Variants in LRMDA observed in about 807,000 individuals in gnomAD.
The protein encoded by LRMDA is leucine-rich melanocyte differentiation-associated protein.
In LRMDA, 18 loss-of-function variants were observed where a neutral mutation model predicts 29.8. That is an observed-to-expected ratio of 0.60 (90% CI 0.42 to 0.90). The LOEUF is 0.90. Ranked by LOEUF, LRMDA falls within the 40% of genes least tolerant of loss-of-function variation. LRMDA has a pLI of 0.00. For synonymous variants in LRMDA, 125 were observed against 109.4 expected (o/e 1.14, Z -0.89); for missense variants, 273 against 273.9 (o/e 1.00, Z 0.02).
At chr10:76,060,729 C>T (rs558858840) in intron 5 of LRMDA, among the ~76,000 whole-genome samples, 20 of 152,188 alleles carry the variant, frequency 1.3e-4, no homozygotes, top group African/African-American at 4.3e-4. Context: ...AATCGAAATC[C>T]TTCCTTGCTT....
intron 2 of LRMDA, among the ~76,000 whole-genome samples, chr10:75,957,965 T>A (rs1846693441): frequency 2.0e-5 from 3 of 152,048 alleles, no homozygotes; most frequent in African/African-American, 7.2e-5. Context: ...TCCATTAGAG[T>A]AAAGAACCCG....
chr10:76,262,343 G>C (rs1839954603), intron 5 of LRMDA, among the ~76,000 whole-genome samples: 1 of 152,148 alleles, frequency 6.6e-6, no homozygotes, highest in Admixed American at 6.5e-5. Context: ...CATACTCCCA[G>C]CCTGCTCCAC....
At chr10:76,028,951 G>T (rs934565886) in intron 2 of LRMDA, among the ~76,000 whole-genome samples, 1 of 151,862 alleles carries the variant, frequency 6.6e-6, no homozygotes, top group Non-Finnish European at 1.5e-5. Context: ...CGAGTAGCTG[G>T]GACTACAGGC....
intron 2 of LRMDA, among the ~76,000 whole-genome samples, chr10:75,679,123 A>G (rs554376311): frequency 1.3e-5 from 2 of 152,188 alleles, no homozygotes; most frequent in African/African-American, 2.4e-5. Context: ...AGAAAGCACC[A>G]TTTGAAACCT....
At chr10:76,200,800 G>A (rs927279024) in intron 5 of LRMDA, among the ~76,000 whole-genome samples, 1 of 147,568 alleles carries the variant, frequency 6.8e-6, no homozygotes, top group African/African-American at 2.5e-5. Flanking sequence ...TCACTGCAGC[G>A]CCTGCCTCCC....
chr10:75,698,218 G>A (rs946285197), intron 2 of LRMDA, among the ~76,000 whole-genome samples: 1 of 152,122 alleles, frequency 6.6e-6, no homozygotes, highest in African/African-American at 2.4e-5. Flanking sequence ...GAGTAGTGCA[G>A]TGTGATCTAG....
At position 75,477,751 on chromosome 10, in the gene LRMDA, G is replaced by A. The variant is rs1940634796; in HGVS notation, c.131+39257G>A. Among the ~76,000 whole-genome samples the A allele has an allele frequency of 2.0e-5, 3 of 152,176 alleles. No individual in the cohort carries two copies. The South Asian group carries it at 6.2e-4, about 32-fold the overall frequency. ...GTTCCCACCACAAGCAGTCCCCTTG[G>A]GCTAAGCATCACTCAGGGTATACCA... is the stretch of plus-strand genomic sequence containing the variant. On this transcript the variant is annotated intron_variant, in intron 2 of 6. Transcript: ENST00000611255.
At chr10:75,765,335 T>C (rs1161679575) in intron 2 of LRMDA, among the ~76,000 whole-genome samples, 1 of 152,038 alleles carries the variant, frequency 6.6e-6, no homozygotes, top group Admixed American at 6.6e-5. Context: ...AGGACACTAG[T>C]TATTGAGAGT....
intron 2 of LRMDA, among the ~76,000 whole-genome samples, chr10:75,567,515 T>C (rs919264263): frequency 2.6e-5 from 4 of 152,238 alleles, no homozygotes; most frequent in African/African-American, 9.6e-5. Context: ...TGTTGGTTTT[T>C]TGACTTAACA....
chr10:75,920,379 T>A (rs144205619), intron 2 of LRMDA, among the ~76,000 whole-genome samples: 1 of 152,292 alleles, frequency 6.6e-6, no homozygotes, highest in Non-Finnish European at 1.5e-5. Flanking sequence ...GATCATGACT[T>A]AGAAATGATT....
intron 2 of LRMDA, among the ~76,000 whole-genome samples, chr10:75,674,345 T>A (rs1841935729): frequency 6.6e-6 from 1 of 152,152 alleles, no homozygotes; most frequent in African/African-American, 2.4e-5. Flanking sequence ...GCAGTTGTTA[T>A]TTATATATAT....
At chr10:76,003,919 G>A (rs1847603779) in intron 2 of LRMDA, among the ~76,000 whole-genome samples, 1 of 152,166 alleles carries the variant, frequency 6.6e-6, no homozygotes, top group Non-Finnish European at 1.5e-5. Flanking sequence ...TGGAGATTGG[G>A]ACCTGGGTAT....
rs76829322 is a variant in LRMDA, at chr10:75,600,261, C to G, written c.131+161767C>G. Among the ~76,000 whole-genome samples, 1,183 of 152,270 alleles carry G rather than the reference C, an allele frequency of 7.8e-3. 16 individuals carry two copies. The highest frequency in any genetic ancestry group is 0.028 in the African/African-American group (1,146 of 41,538). On this transcript the variant is annotated intron_variant, in intron 2 of 6. Coordinates refer to ENST00000611255, the MANE Select transcript of LRMDA (RefSeq NM_001305581.2). The stretch of plus-strand genomic sequence containing the variant: ...CATTCTTTGTCTTAACATCCAACAC[C>G]TTGCGTGTGAAGGGCATGCCCAAAT...
intron 2 of LRMDA, among the ~76,000 whole-genome samples, chr10:75,500,676 A>G (rs530012060): frequency 1.3e-5 from 2 of 152,282 alleles, no homozygotes; most frequent in Admixed American, 6.5e-5. Context: ...GAAACTTACA[A>G]TCATGGCAGA....
intron 2 of LRMDA, among the ~76,000 whole-genome samples, chr10:75,632,396 T>C (rs1391693241): frequency 2.0e-5 from 3 of 152,184 alleles, no homozygotes; most frequent in Non-Finnish European, 4.4e-5. Flanking sequence ...GAAAAGAGTG[T>C]TGTGTTATCT....
chr10:76,459,532 G>A (rs1374047910), intron 6 of LRMDA, among the ~76,000 whole-genome samples: 3 of 152,284 alleles, frequency 2.0e-5, no homozygotes, highest in African/African-American at 4.8e-5. Context: ...CCAGAGAAGC[G>A]TTAAATGGAT....
At chr10:75,602,474 A>G (rs1040548932) in intron 2 of LRMDA, among the ~76,000 whole-genome samples, 2 of 152,206 alleles carry the variant, frequency 1.3e-5, no homozygotes, top group African/African-American at 4.8e-5. Flanking sequence ...CCAGCCATAA[A>G]GGAGCTCAAT....
chr10:75,708,110 G>A (rs1482221103), intron 2 of LRMDA, among the ~76,000 whole-genome samples: 2 of 152,156 alleles, frequency 1.3e-5, no homozygotes, highest in African/African-American at 4.8e-5. Context: ...TGAGCAAAGG[G>A]CCGCTCTGAC....
intron 5 of LRMDA, among the ~76,000 whole-genome samples, chr10:76,183,184 A>G (rs1460421435): frequency 6.6e-6 from 1 of 152,220 alleles, no homozygotes; most frequent in African/African-American, 2.4e-5. Flanking sequence ...TCACACTTAC[A>G]TCAGCTCAAA....
Sources: gnomAD v4.1 joint callset for allele counts (sites outside exome capture counted in the v4.1 genomes callset) on GRCh38, gnomAD v4.1.1 for gene constraint, MANE v1.5 for transcripts, NCBI Gene and HGNC (gene_info 2026-07-23, HGNC 2026-07-21) for gene names.